ITGAL: variants seen among roughly 807,000 people sequenced by gnomAD.
ITGAL encodes the protein integrin subunit alpha L.
A neutral mutation model predicts 138.4 loss-of-function variants in ITGAL; 68 were observed. That is an observed-to-expected ratio of 0.49 (90% CI 0.40 to 0.60). ITGAL has a LOEUF of 0.60. ITGAL is among the 20% of genes least tolerant of loss of function. The pLI, the probability that ITGAL is intolerant of heterozygous loss-of-function variation, is 0.00. For missense variants in ITGAL, 1,256 were observed against 1,478.6 expected, an observed-to-expected ratio of 0.85 and a Z score of 2.47; for synonymous variants, 561 against 584.3, an observed-to-expected ratio of 0.96 and a Z score of 0.57.
In ITGAL at chr16:30,479,384, T is replaced by C. The variant is rs1454531075; in HGVS notation, c.499T>C (p.Leu167=). Residue 167 remains leucine (L), a synonymous_variant, in exon 6 of 31, where the codon TTG becomes CTG. Coordinates refer to ENST00000356798, the MANE Select transcript of ITGAL (RefSeq NM_002209.3). ...ATTTCTGTTTGATGGTTCGATGAGCTTGCAGCCAGATGAATTTCAGAAAAT... is the reference window on the plus strand; with the variant it reads ...ATTTCTGTTTGATGGTTCGATGAGCCTGCAGCCAGATGAATTTCAGAAAAT... ...LVFLFDGSMS[L]QPDEFQKILD... is the part of the protein sequence containing the mutation. The C allele has an allele frequency of 4.3e-6, 7 of 1,614,024 alleles. No homozygotes were observed. Among genetic ancestry groups the C allele is most frequent in the Non-Finnish European group, 5.9e-6 (7 of 1,180,018 alleles).
chr16:30,522,586 A>G lies in ITGAL; in HGVS notation c.*921A>G, dbSNP rs2051269821. The G allele has an allele frequency of 6.6e-6, 1 of 152,088 alleles. No homozygotes were observed. Among genetic ancestry groups the G allele is most frequent in the Non-Finnish European group, 1.5e-5 (1 of 68,036 alleles). The allele number at this position is 152,088 out of a possible 1,614,324, so 9.4% of individuals were successfully genotyped here. A position where few individuals can be genotyped will look rare whatever the true frequency, so the allele number is the denominator to read the frequency against. Reference sequence around the variant, plus strand: ...TCACCTTGGGATGATGCCTCATGATATGTCAGGGCGTGGGACATCTAGTAG... The same window carrying G: ...TCACCTTGGGATGATGCCTCATGATGTGTCAGGGCGTGGGACATCTAGTAG... On this transcript the variant is annotated 3_prime_UTR_variant, in exon 31 of 31. Coordinates refer to ENST00000356798, the MANE Select transcript of ITGAL (RefSeq NM_002209.3). The surrounding 1 kb of genome is among the most constrained non-coding windows in gnomAD (Gnocchi z 4.0).
At chr16:30,506,325 G>A (rs1464110633) in intron 20 of ITGAL, among the ~76,000 whole-genome samples, 2 of 150,362 alleles carry the variant, frequency 1.3e-5, no homozygotes, top group Non-Finnish European at 3.0e-5. Context: ...AGGCCGAGGC[G>A]GGCGGATCAC....
chr16:30,518,888 C>G (rs988670431), intron 29 of ITGAL, among the ~76,000 whole-genome samples, 169 bp downstream of exon 29: 1 of 152,124 alleles, frequency 6.6e-6, no homozygotes, highest in Non-Finnish European at 1.5e-5. Flanking sequence ...GGGCACACAA[C>G]CCCAGAGTTG....
chr16:30,488,702 C>CAAAAA (rs34533619), intron 9 of ITGAL, among the ~76,000 whole-genome samples: 3 of 57,688 alleles, frequency 5.2e-5, no homozygotes, highest in Admixed American at 2.2e-4. Flanking sequence ...GACTCCATCT[C>CAAAAA]AAAAAAAAAA....
intron 15 of ITGAL, 102 bp from the exon 16 acceptor site, chr16:30,498,972 A>G: frequency 2.0e-6 from 2 of 992,210 alleles, no homozygotes; most frequent in South Asian, 3.0e-5. Flanking sequence ...GGTCTGCTTT[A>G]GGGAAGGAGA....
chr16:30,494,503 A>C lies in ITGAL; in HGVS notation c.1365+140A>C. On this transcript the variant is annotated intron_variant, in intron 12 of 30. Coordinates refer to ENST00000356798, the MANE Select transcript of ITGAL (RefSeq NM_002209.3). The surrounding 1 kb of genome is among the most constrained non-coding windows in gnomAD (Gnocchi z 4.2). ...TGATCACATTTATCCCTCATAACACACAGAGGTAAGCCCTGTCATCTCCCT... is the reference window on the plus strand; with the variant it reads ...TGATCACATTTATCCCTCATAACACCCAGAGGTAAGCCCTGTCATCTCCCT... 1 of 1,121,906 alleles carries C rather than the reference A, an allele frequency of 8.9e-7. No individual in the cohort carries two copies. Among genetic ancestry groups the C allele is most frequent in the Non-Finnish European group, 1.2e-6 (1 of 804,140 alleles). The allele number at this position is 1,121,906 out of a possible 1,614,324, so 69.5% of individuals were successfully genotyped here.
At chr16:30,473,886 G>A (rs2050427813) in intron 1 of ITGAL, 1 of 521,682 alleles carries the variant, frequency 1.9e-6, no homozygotes, top group African/African-American at 1.9e-5. Flanking sequence ...CTGAGAACTT[G>A]GTCACCCTCT....
At chr16:30,474,613 T>G (rs904868103) in intron 2 of ITGAL, 21 of 342,634 alleles carry the variant, frequency 6.1e-5, no homozygotes, top group Non-Finnish European at 9.3e-5. Context: ...AGGAGTCTGT[T>G]CTCTCTTCCT....
Position 30,493,245 on chromosome 16 carries a change from C to CATTTTATTTTT in ITGAL, c.1214-957_1214-956insTATTTTATTTT, listed in dbSNP as rs369798826. Among the ~76,000 whole-genome samples, 104 of 139,824 alleles carry CATTTTATTTTT rather than the reference C, an allele frequency of 7.4e-4. No homozygotes were observed. In the South Asian group the frequency reaches 0.02, roughly 27 times the overall value. The allele number at this position is 139,824 out of a possible 152,430, so 91.7% of individuals were successfully genotyped here. On this transcript the variant is annotated intron_variant, in intron 11 of 30. Transcript: ENST00000356798. The stretch of plus-strand genomic sequence containing the variant: ...TTGCATTCTTCTGACTAATATATAC[C>CATTTTATTTTT]ATTTTATTTTATTTTATTTTATTTT...
At chr16:30,508,951 C>T (rs1222611141) in intron 21 of ITGAL, among the ~76,000 whole-genome samples, 1 of 151,532 alleles carries the variant, frequency 6.6e-6, no homozygotes, top group Non-Finnish European at 1.5e-5. Flanking sequence ...CTGAGGTGGG[C>T]AGATCATCTG....
rs896379005 is a variant in ITGAL, at chr16:30,484,147, A to C, written c.890A>C (p.Glu297Ala). 14 of 1,614,016 alleles carry C rather than the reference A, an allele frequency of 8.7e-6. No homozygotes were observed. Among genetic ancestry groups the C allele is most frequent in the Admixed American group, 5.0e-5 (3 of 59,984 alleles). ...GKHFQTKESQ[E>A]TLHKFASKPA... ...CATTTTCAGACCAAGGAGAGTCAGG[A>C]GACCCTCCACAAATTTGCATCAAAA... The change falls in exon 9 of 31, where the codon GAG (glutamate) becomes GCG (alanine). Residue 297 changes from glutamate (E) to alanine (A), a missense_variant. This residue lies in a region of ITGAL where 177 missense variants were observed against 288.8 expected (regional missense o/e 0.61). Coordinates refer to ENST00000356798, the MANE Select transcript of ITGAL (RefSeq NM_002209.3).
At position 30,505,261 on chromosome 16, in the gene ITGAL, G is replaced by T; in HGVS notation, c.2253G>T (p.Pro751=). Residue 751 remains proline (P), a synonymous_variant, in exon 19 of 31, where the codon CCG becomes CCT. Transcript: ENST00000356798. ...RDQRAQGKDI[P]PILRPSLHSE... is the part of the protein sequence containing the mutation. ...TCGCTCAGCAGGGCAAGGACATACC[G>T]CCCATCCTGAGACCCTCCCTGCACT... is the stretch of plus-strand genomic sequence containing the variant. The T allele has an allele frequency of 6.2e-7, 1 of 1,610,224 alleles. No individual in the cohort carries two copies. The highest frequency in any genetic ancestry group is 8.5e-7 in the Non-Finnish European group (1 of 1,178,106).
intron 29 of ITGAL, 74 bp downstream of exon 29, chr16:30,518,793 G>T: frequency 2.7e-6 from 3 of 1,092,566 alleles, no homozygotes; most frequent in Non-Finnish European, 4.3e-6. Context: ...AGACCTAGAT[G>T]TGGGAGAGCT....
At position 30,519,946 on chromosome 16, in the gene ITGAL, C is replaced by T. The variant is rs1378884921; in HGVS notation, c.3318C>T (p.Leu1106=). The part of the protein sequence containing the change: ...SGIGGLLLLL[L]IFIVLYKVGF... ...TCGGGGGGCTGCTGCTGCTGCTGCT[C>T]ATTTTCATAGTGCTGTACAAGGTGG... Residue 1106 remains leucine (L), a synonymous_variant, in exon 30 of 31, where the codon CTC becomes CTT. Coordinates refer to ENST00000356798, the MANE Select transcript of ITGAL (RefSeq NM_002209.3). The T allele has an allele frequency of 6.2e-7, 1 of 1,612,676 alleles. No homozygotes were observed. The highest frequency in any genetic ancestry group is 1.3e-5 in the African/African-American group (1 of 74,916).
rs147309455 is a variant in ITGAL at position 30,517,808 on chromosome 16, C to T, written c.3045C>T (p.Pro1015=). 79 of 1,614,014 alleles carry T rather than the reference C, an allele frequency of 4.9e-5. No individual in the cohort carries two copies. Among genetic ancestry groups the T allele is most frequent in the Admixed American group, 2.7e-4 (16 of 59,994 alleles). Residue 1015 remains proline, a synonymous_variant, in exon 28 of 31, where the codon CCC becomes CCT. Coordinates refer to ENST00000356798, the MANE Select transcript of ITGAL (RefSeq NM_002209.3). The part of the protein sequence containing the change: ...RLPDAAEPCL[P]GALFRCPVVF... ...CTCATCCTTGTCAGCCTTGTCTCCC[C>T]GGAGCCCTGTTCCGCTGCCCTGTTG...
intron 11 of ITGAL, among the ~76,000 whole-genome samples, chr16:30,492,245 T>TC (rs1461146937): frequency 3.6e-5 from 4 of 110,196 alleles, no homozygotes; most frequent in Admixed American, 2.4e-4. Context: ...TGACATGATA[T>TC]CTTTTTTTTC....
At chr16:30,475,431 T>C (rs1217188777) in intron 3 of ITGAL, 31 bp downstream of exon 3, 1 of 1,605,244 alleles carries the variant, frequency 6.2e-7, no homozygotes. Context: ...CTGGGAGGAA[T>C]GGGATCTTGG....
rs909417848 is a variant in ITGAL at position 30,517,646 on chromosome 16, T to C, written c.2977-3T>C. The C allele has an allele frequency of 1.5e-5, 25 of 1,613,628 alleles. No homozygotes were observed. Among genetic ancestry groups the C allele is most frequent in the Non-Finnish European group, 2.1e-5 (25 of 1,179,672 alleles). On this transcript the variant is annotated splice_region_variant and splice_polypyrimidine_tract_variant and intron_variant, in intron 26 of 30. Coordinates refer to ENST00000356798, the MANE Select transcript of ITGAL (RefSeq NM_002209.3). Reference sequence around the variant, plus strand: ...TAACTGAAGACCTGCCGCTTGTTCCTAGGAGCCTCCCGTGCCCTGCCACTA... The same window carrying C: ...TAACTGAAGACCTGCCGCTTGTTCCCAGGAGCCTCCCGTGCCCTGCCACTA...
intron 1 of ITGAL, among the ~76,000 whole-genome samples, chr16:30,473,173 T>C (rs995317145): frequency 5.6e-4 from 85 of 152,184 alleles, no homozygotes; most frequent in African/African-American, 2.0e-3. Flanking sequence ...GGCTCACGCC[T>C]GTAATCCCAG....
Sources: allele counts gnomAD v4.1 joint callset (sites outside exome capture counted in the v4.1 genomes callset), GRCh38; gene constraint gnomAD v4.1.1; regional missense constraint gnomAD v4.1.1; non-coding constraint Gnocchi (gnomAD v3.1); transcripts MANE v1.5; gene names NCBI Gene and HGNC (gene_info 2026-07-23, HGNC 2026-07-21).